Variants in STN1 observed in about 807,000 individuals in gnomAD.
STN1 encodes CST complex subunit STN1.
A neutral mutation model predicts 45.5 loss-of-function variants in STN1; 29 were observed. The ratio of observed to expected loss-of-function variants is 0.64; its 90% CI spans 0.47 to 0.87. The LOEUF (loss-of-function observed/expected upper bound fraction) is 0.87, where lower values mean the gene tolerates loss of function less well. Among genes scored for constraint, STN1 ranks in the 40% least tolerant of loss-of-function variants. The probability of loss-of-function intolerance (pLI) is 0.00; values close to 1 mark genes in which losing one functional copy is unlikely to be tolerated. For missense variants in STN1, 376 were observed against 441.4 expected (o/e 0.85, Z 1.33); for synonymous variants, 148 against 159.0 (o/e 0.93, Z 0.52).
rs1843155706 is a variant in STN1, at chr10:103,893,929, G to T, written c.754-1677C>A. Among the ~76,000 whole-genome samples, 13 of 152,310 alleles carry T rather than the reference G, an allele frequency of 8.5e-5. No individual in the cohort carries two copies. In the South Asian group the frequency reaches 2.7e-3, roughly 32 times the overall value. The stretch of plus-strand genomic sequence containing the variant: ...CAAACCGACAAACATTCCAGGTTAT[G>T]ACAGCTTCCATTCAGAAGGGAGAAT... On this transcript the variant is annotated intron_variant, in intron 7 of 9. Coordinates refer to ENST00000224950, the MANE Select transcript of STN1 (RefSeq NM_024928.5).
intron 9 of STN1, among the ~76,000 whole-genome samples, 190 bp from the exon 10 acceptor site, chr10:103,883,031 G>A (rs1412686241): frequency 6.6e-6 from 1 of 152,214 alleles, no homozygotes; most frequent in Non-Finnish European, 1.5e-5. Context: ...GGCCCCTGAT[G>A]TCACCACGGC....
rs200152006 is a variant in STN1 at position 103,897,733 on chromosome 10, G to C, written c.582-14C>G. The C allele has an allele frequency of 3.0e-4, 489 of 1,612,388 alleles. No homozygotes were observed. The highest frequency in any genetic ancestry group is 3.9e-4 in the Non-Finnish European group (465 of 1,179,090). ...GCGCCTGGATTGCTGCGGAGGGAAA[G>C]TTTTAAAGAGCTCTGCAGAAAACCA... is the stretch of plus-strand genomic sequence containing the variant. On this transcript the variant is annotated splice_polypyrimidine_tract_variant and intron_variant, in intron 6 of 9. Transcript: ENST00000224950.
At position 103,917,516 on chromosome 10, in the gene STN1, C is replaced by CAA. The variant is rs781311194; in HGVS notation, c.77_78dup (p.Ala27LeufsTer12). ...AGGATATCCCTGATGTAGAGTTTTG[C>CAA]AAAGGCTAGAAACACAGGATCCAAA... On this transcript the variant is annotated frameshift_variant, in exon 2 of 10. Coordinates refer to ENST00000224950, the MANE Select transcript of STN1 (RefSeq NM_024928.5). LOFTEE classifies it high-confidence loss of function. 2.5e-6 allele frequency: 4 copies of CAA among 1,613,988 alleles called. No homozygotes were observed. Among genetic ancestry groups the CAA allele is most frequent in the Non-Finnish European group, 8.5e-7 (1 of 1,179,994 alleles).
intron 7 of STN1, among the ~76,000 whole-genome samples, chr10:103,894,716 C>CA (rs889425258): frequency 4.2e-4 from 60 of 141,370 alleles, no homozygotes; most frequent in East Asian, 1.4e-3. Context: ...ACCAAACAAA[C>CA]AAAAAAAAAC....
At chr10:103,889,860 G>A (rs770044152) in intron 8 of STN1, among the ~76,000 whole-genome samples, 7 of 152,072 alleles carry the variant, frequency 4.6e-5, no homozygotes, top group Middle Eastern at 3.4e-3. Context: ...GCACCACCAC[G>A]TCCAGCTAAT....
chr10:103,894,701 A>G (rs534109281), intron 7 of STN1, among the ~76,000 whole-genome samples: 62 of 151,962 alleles, frequency 4.1e-4, no homozygotes, highest in African/African-American at 1.5e-3. Context: ...CAAAAAAAAA[A>G]AAAAACCAAA....
chr10:103,915,960 G>A (rs978727025), intron 2 of STN1, among the ~76,000 whole-genome samples: 3 of 152,074 alleles, frequency 2.0e-5, no homozygotes, highest in African/African-American at 4.8e-5. Flanking sequence ...CGCTGCTGAT[G>A]TGACAGGATG....
In STN1 at chr10:103,881,705, T is replaced by A. The variant is rs1349513573; in HGVS notation, c.*979A>T. On this transcript the variant is annotated 3_prime_UTR_variant, in exon 10 of 10. Transcript: ENST00000224950. Reference sequence around the variant, plus strand: ...AGTGCCTTCTGTGAAATGACTGTAATTAACTCCAAATCTTTCTCCACACTT... The same window carrying A: ...AGTGCCTTCTGTGAAATGACTGTAAATAACTCCAAATCTTTCTCCACACTT... Among the ~76,000 whole-genome samples, 2 of 152,222 alleles carry A rather than the reference T, an allele frequency of 1.3e-5. No individual in the cohort carries two copies. Among genetic ancestry groups the A allele is most frequent in the South Asian group, 2.1e-4 (1 of 4,826 alleles).
intron 4 of STN1, among the ~76,000 whole-genome samples, chr10:103,903,690 T>C (rs1483129823): frequency 6.6e-6 from 1 of 152,240 alleles, no homozygotes; most frequent in Admixed American, 6.5e-5. Context: ...TTGGAATTTC[T>C]GGCCTCCAGA....
chr10:103,899,101 G>GCCCACCCAGCACCTCA, intron 5 of STN1, 101 bp from the exon 6 acceptor site: 1 of 1,312,142 alleles, frequency 7.6e-7, no homozygotes, highest in Non-Finnish European at 1.1e-6. Context: ...AGTAAATGAG[G>GCCCACCCAGCACCTCA]TGCTGGGTGG....
intron 8 of STN1, 63 bp downstream of exon 8, chr10:103,892,067 A>C (rs566313612): frequency 1.8e-5 from 23 of 1,285,522 alleles, no homozygotes; most frequent in Non-Finnish European, 2.5e-5. Flanking sequence ...GGTTATTCAT[A>C]AGTAATAAAT....
intron 7 of STN1, among the ~76,000 whole-genome samples, chr10:103,896,625 T>C (rs1229911842): frequency 6.8e-6 from 1 of 147,222 alleles, no homozygotes; most frequent in Non-Finnish European, 1.5e-5. Flanking sequence ...TAACTTTTTC[T>C]TTTTTTTTTG....
intron 2 of STN1, 88 bp downstream of exon 2, chr10:103,917,374 C>T: frequency 7.5e-7 from 1 of 1,326,208 alleles, no homozygotes; most frequent in Non-Finnish European, 1.0e-6. Context: ...GGAAGGCTCT[C>T]CTAAAAGCCT....
chr10:103,907,388 C>G (rs1331297038), intron 3 of STN1, among the ~76,000 whole-genome samples: 8 of 152,148 alleles, frequency 5.3e-5, no homozygotes, highest in Admixed American at 5.2e-4. Context: ...CAACATTAAA[C>G]AGTGTATTTT....
chr10:103,889,430 AT>A (rs1350193096), intron 8 of STN1, among the ~76,000 whole-genome samples: 2 of 152,182 alleles, frequency 1.3e-5, no homozygotes, highest in Non-Finnish European at 1.5e-5. Context: ...CTCATAACAC[AT>A]TTTTGTTATT....
chr10:103,915,781 G>A (rs896515958), intron 2 of STN1, among the ~76,000 whole-genome samples: 1 of 152,034 alleles, frequency 6.6e-6, no homozygotes, highest in East Asian at 1.9e-4. Context: ...TTTTGACACC[G>A]GTTTTGTAGA....
intron 4 of STN1, among the ~76,000 whole-genome samples, chr10:103,903,430 T>C (rs1238543260): frequency 6.6e-6 from 1 of 152,182 alleles, no homozygotes; most frequent in African/African-American, 2.4e-5. Flanking sequence ...CAAAATCTCA[T>C]GTGTTAGAAA....
intron 3 of STN1, among the ~76,000 whole-genome samples, chr10:103,906,653 C>T (rs1191645871): frequency 6.6e-6 from 1 of 151,640 alleles, no homozygotes; most frequent in Non-Finnish European, 1.5e-5. Flanking sequence ...AGAATGAAAC[C>T]TTGTTTCAAA....
chr10:103,902,316 G>A (rs1224694431), intron 4 of STN1, among the ~76,000 whole-genome samples: 1 of 152,100 alleles, frequency 6.6e-6, no homozygotes, highest in Non-Finnish European at 1.5e-5. Flanking sequence ...TTCTACTTAG[G>A]CTGAATTTTA....
Sources: allele counts gnomAD v4.1 joint callset (sites outside exome capture counted in the v4.1 genomes callset), GRCh38; gene constraint gnomAD v4.1.1; transcripts MANE v1.5; gene names NCBI Gene and HGNC (gene_info 2026-07-23, HGNC 2026-07-21).